Variants in TMED5 observed in about 807,000 individuals in gnomAD.
The protein encoded by TMED5 is transmembrane p24 trafficking protein 5, also known as transmembrane emp24 domain-containing protein 5.
A neutral mutation model predicts 23.0 loss-of-function variants in TMED5; 27 were observed. The observed-to-expected ratio is 1.17, with a 90% CI of 0.86 to 1.62. TMED5 has a LOEUF of 1.62. Among genes scored for constraint, TMED5 ranks in the 40% most tolerant of loss-of-function variants. The pLI, the probability that TMED5 is intolerant of heterozygous loss-of-function variation, is 0.00. For missense variants in TMED5, 248 were observed against 273.7 expected, an observed-to-expected ratio of 0.91 and a Z score of 0.66; for synonymous variants, 97 against 100.8, an observed-to-expected ratio of 0.96 and a Z score of 0.23.
chr1:93,180,298 C>G lies in TMED5; in HGVS notation c.-56G>C. On this transcript the variant is annotated 5_prime_UTR_variant, in exon 1 of 4. Coordinates refer to ENST00000370282, the MANE Select transcript of TMED5 (RefSeq NM_016040.5). Reference sequence around the variant, plus strand: ...GCGTCAGGTACTGTTGTCTCCGCTCCGCGTTTCCTCTCTGGACTCCTCGTG... The same window carrying G: ...GCGTCAGGTACTGTTGTCTCCGCTCGGCGTTTCCTCTCTGGACTCCTCGTG... The G allele has an allele frequency of 6.5e-7, 1 of 1,529,344 alleles. No individual in the cohort carries two copies. The highest frequency in any genetic ancestry group is 8.8e-7 in the Non-Finnish European group (1 of 1,139,834). The allele number at this position is 1,529,344 out of a possible 1,614,324, so 94.7% of individuals were successfully genotyped here. A position where few individuals can be genotyped will look rare whatever the true frequency, so the allele number is the denominator to read the frequency against.
chr1:93,165,989 T>C (rs1648489193), intron 1 of TMED5, among the ~76,000 whole-genome samples: 1 of 152,186 alleles, frequency 6.6e-6, no homozygotes, highest in Admixed American at 6.5e-5. Flanking sequence ...CATTTTTAGC[T>C]CCCACAAATA....
intron 1 of TMED5, among the ~76,000 whole-genome samples, chr1:93,170,525 T>G (rs1317881002): frequency 2.0e-5 from 3 of 152,164 alleles, no homozygotes; most frequent in African/African-American, 7.2e-5. Flanking sequence ...CACTGTGGGC[T>G]CCTGCGCGGC....
intron 1 of TMED5, among the ~76,000 whole-genome samples, chr1:93,164,150 T>C (rs1648399986): frequency 6.6e-6 from 1 of 152,172 alleles, no homozygotes; most frequent in African/African-American, 2.4e-5. Flanking sequence ...GACATCTAAT[T>C]TGGCAATATA....
intron 1 of TMED5, chr1:93,161,301 A>T (rs963555569): frequency 6.6e-6 from 1 of 152,050 alleles, no homozygotes; most frequent in African/African-American, 2.4e-5. Context: ...AGGCCACATT[A>T]AAAAAAATAA....
chr1:93,155,978 A>G, intron 3 of TMED5: 1 of 869,222 alleles, frequency 1.2e-6, no homozygotes, highest in Non-Finnish European at 1.7e-6. Context: ...GTATAATCAG[A>G]AGCATAATCT....
At chr1:93,173,109 T>C (rs957093608) in intron 1 of TMED5, among the ~76,000 whole-genome samples, 1 of 150,592 alleles carries the variant, frequency 6.6e-6, no homozygotes, top group Non-Finnish European at 1.5e-5. Context: ...AAGTTTCTGA[T>C]AGACAGAAGG....
At chr1:93,178,098 A>C (rs1648989979) in intron 1 of TMED5, among the ~76,000 whole-genome samples, 1 of 152,170 alleles carries the variant, frequency 6.6e-6, no homozygotes, top group Non-Finnish European at 1.5e-5. Context: ...CACTGCATCC[A>C]GTGATCTGCT....
intron 2 of TMED5, among the ~76,000 whole-genome samples, chr1:93,158,141 A>T (rs1420461145): frequency 6.6e-6 from 1 of 151,938 alleles, no homozygotes; most frequent in Non-Finnish European, 1.5e-5. Flanking sequence ...AAAAAAAAAA[A>T]AAAATTTGTA....
chr1:93,171,358 G>T (rs984752316), intron 1 of TMED5, among the ~76,000 whole-genome samples: 1 of 152,122 alleles, frequency 6.6e-6, no homozygotes, highest in Non-Finnish European at 1.5e-5. Context: ...TCACCGCGAG[G>T]GTCCGCGGCT....
chr1:93,177,130 A>T (rs1326030171), intron 1 of TMED5, among the ~76,000 whole-genome samples: 1 of 152,232 alleles, frequency 6.6e-6, no homozygotes, highest in Admixed American at 6.5e-5. Context: ...AATTAGTAGG[A>T]TGTAGTTACT....
In TMED5 at chr1:93,150,943, AACAAC is replaced by A. The variant is rs1208041633; in HGVS notation, c.*3722_*3726del. 3 of 152,340 alleles carry A rather than the reference AACAAC, an allele frequency of 2.0e-5. No homozygotes were observed. The highest frequency in any genetic ancestry group is 3.9e-4 in the East Asian group (2 of 5,186). 9.4% of individuals were successfully genotyped at this position (152,340 alleles called of 1,614,324 possible). On this transcript the variant is annotated 3_prime_UTR_variant, in exon 4 of 4. Coordinates refer to ENST00000370282, the MANE Select transcript of TMED5 (RefSeq NM_016040.5). ...CTAAGCTTGTTAAAACAGAAACAAA[AACAAC>A]ACAAGTACTAAAACGAGGGTTTTTG...
At chr1:93,179,895 G>T in intron 1 of TMED5, 159 bp downstream of exon 1, 1 of 697,924 alleles carries the variant, frequency 1.4e-6, no homozygotes, top group Non-Finnish European at 2.3e-6. Flanking sequence ...CGAGAGCCTC[G>T]CCTCGCCTCG....
rs774408888 is a variant in TMED5 at position 93,170,531 on chromosome 1, G to A, written c.189+9523C>T. ...TCAGCCCCCCACTGTGGGCTCCTGC[G>A]CGGCCCAAGCCTCCCCGAAGAGCGC... On this transcript the variant is annotated intron_variant, in intron 1 of 3. Coordinates refer to ENST00000370282, the MANE Select transcript of TMED5 (RefSeq NM_016040.5). 3.9e-5 allele frequency among the ~76,000 whole-genome samples: 6 copies of A among 152,192 alleles called. 1 individual carries two copies. The highest frequency in any genetic ancestry group is 2.6e-4 in the Admixed American group (4 of 15,288).
Position 93,160,221 on chromosome 1 carries a change from T to C in TMED5, c.195A>G (p.Leu65=). ...AATCAATATCTAATCCTGCTCCATC[T>C]AAAACCTGTAGAAAAGCATACATGA... is the stretch of plus-strand genomic sequence containing the variant. ...KASLEIEYQV[L]DGAGLDIDFH... Residue 65 remains leucine (L), a synonymous_variant, in exon 2 of 4, where the codon TTA becomes TTG. Coordinates refer to ENST00000370282, the MANE Select transcript of TMED5 (RefSeq NM_016040.5). 1 of 1,601,416 alleles carries C rather than the reference T, an allele frequency of 6.2e-7. No individual in the cohort carries two copies. Among genetic ancestry groups the C allele is most frequent in the Non-Finnish European group, 8.5e-7 (1 of 1,170,576 alleles).
chr1:93,160,385 C>A, intron 1 of TMED5, 159 bp from the exon 2 acceptor site: 1 of 484,630 alleles, frequency 2.1e-6, no homozygotes, highest in Non-Finnish European at 3.7e-6. Context: ...TCATCTAGTT[C>A]AATTCCATTC....
intron 1 of TMED5, among the ~76,000 whole-genome samples, chr1:93,164,638 A>G (rs1468607407): frequency 6.6e-6 from 1 of 152,148 alleles, no homozygotes; most frequent in Non-Finnish European, 1.5e-5. Flanking sequence ...CAAGCAGAGA[A>G]CAATATAAAA....
At chr1:93,177,618 GTCCCTTTAAGAGTGACTAAAGATGTAAA>G (rs1210625908) in intron 1 of TMED5, among the ~76,000 whole-genome samples, 25 of 136,292 alleles carry the variant, frequency 1.8e-4, no homozygotes, top group African/African-American at 7.1e-4. Flanking sequence ...AAAAGGAACA[GTCCCTTTAAGAGTGACTAAAGATGTAAA>G]GAATAAAGCT....
intron 1 of TMED5, among the ~76,000 whole-genome samples, chr1:93,179,179 T>C (rs1448915340): frequency 6.6e-6 from 1 of 152,032 alleles, no homozygotes; most frequent in Non-Finnish European, 1.5e-5. Flanking sequence ...CTGGCCAACA[T>C]GGTGAAACCC....
At chr1:93,169,448 T>C (rs556357078) in intron 1 of TMED5, among the ~76,000 whole-genome samples, 1 of 152,002 alleles carries the variant, frequency 6.6e-6, no homozygotes, top group Admixed American at 6.5e-5. Flanking sequence ...TGGATGAACT[T>C]ATTAGAAAAG....
Sources: gnomAD v4.1 joint callset for allele counts (sites outside exome capture counted in the v4.1 genomes callset) on GRCh38, gnomAD v4.1.1 for gene constraint, MANE v1.5 for transcripts, NCBI Gene and HGNC (gene_info 2026-07-23, HGNC 2026-07-21) for gene names.